The following SH3PXD2A variants were observed in gnomAD, a reference collection of about 807,000 sequenced individuals.
SH3PXD2A encodes SH3 and PX domain-containing protein 2A.
In SH3PXD2A, 32 loss-of-function variants were observed where a neutral mutation model predicts 115.2. That is an observed-to-expected ratio of 0.28 (90% confidence interval 0.21 to 0.37). The LOEUF is 0.37. Ranked by LOEUF, SH3PXD2A falls within the 10% of genes least tolerant of loss-of-function variation. The pLI is 1.00. For missense variants in SH3PXD2A, 1,328 were observed against 1,498.7 expected (o/e 0.89, Z 1.88); for synonymous variants, 610 against 629.1 (o/e 0.97, Z 0.45).
intron 2 of SH3PXD2A, among the ~76,000 whole-genome samples, chr10:103,782,643 G>A (rs2134242271): frequency 6.6e-6 from 1 of 152,052 alleles, no homozygotes; most frequent in South Asian, 2.1e-4. Context: ...CCTGCTCTCT[G>A]AAAGCTCACA....
rs2038966778 is a variant in SH3PXD2A at position 103,784,912 on chromosome 10, G to T, written c.153+16370C>A. On this transcript the variant is annotated intron_variant, in intron 2 of 14. Coordinates refer to ENST00000369774, the MANE Select transcript of SH3PXD2A (RefSeq NM_001394015.1). This position sits in a 1 kb window ranked among gnomAD's most constrained non-coding sequence, Gnocchi z 4.4. ...ACACCTGGGAGCGGCAGCCTACTAG[G>T]CGTGTCTGCTTAGACGGGTAACCAG... Among the ~76,000 whole-genome samples the T allele has an allele frequency of 6.6e-6, 1 of 152,154 alleles. No individual in the cohort carries two copies. Among genetic ancestry groups the T allele is most frequent in the Non-Finnish European group, 1.5e-5 (1 of 68,036 alleles).
intron 1 of SH3PXD2A, among the ~76,000 whole-genome samples, chr10:103,807,527 T>C (rs959474685): frequency 1.3e-5 from 2 of 152,214 alleles, no homozygotes; most frequent in Non-Finnish European, 2.9e-5. Context: ...ACTAGGGCCA[T>C]TGTATACAGT....
intron 6 of SH3PXD2A, among the ~76,000 whole-genome samples, chr10:103,674,547 C>T (rs559563618): frequency 2.6e-5 from 4 of 152,314 alleles, no homozygotes; most frequent in South Asian, 2.1e-4. Flanking sequence ...CCAGGCTGGG[C>T]GCGGTGGCTC....
intron 1 of SH3PXD2A, among the ~76,000 whole-genome samples, chr10:103,808,617 G>A (rs1212739441): frequency 6.6e-6 from 1 of 152,116 alleles, no homozygotes; most frequent in African/African-American, 2.4e-5. Context: ...ATCTGATCTG[G>A]ACCCCCACTA....
chr10:103,625,780 C>T (rs1412408838), intron 9 of SH3PXD2A, among the ~76,000 whole-genome samples: 1 of 152,216 alleles, frequency 6.6e-6, no homozygotes, highest in East Asian at 1.9e-4. Context: ...ATCCCAGCTA[C>T]TCAGGAGGCT....
chr10:103,769,154 G>A (rs1287769340), intron 2 of SH3PXD2A, among the ~76,000 whole-genome samples: 2 of 121,596 alleles, frequency 1.6e-5, no homozygotes, highest in Non-Finnish European at 3.8e-5. Flanking sequence ...GTGTGTGTGT[G>A]TGTGTGTGTG....
chr10:103,702,134 A>G (rs1245534146), intron 5 of SH3PXD2A, among the ~76,000 whole-genome samples: 1 of 146,954 alleles, frequency 6.8e-6, no homozygotes, highest in Non-Finnish European at 1.5e-5. Flanking sequence ...TCATTCATCT[A>G]CCATTCACCC....
chr10:103,679,479 G>C lies in SH3PXD2A; in HGVS notation c.428-10827C>G, dbSNP rs564258959. On this transcript the variant is annotated intron_variant, in intron 6 of 14. Transcript: ENST00000369774. ...TACCCTCCCTGCGCCCCAGGAGACA[G>C]CTGCCTAGTGTCCACTGAGCCATGG... is the stretch of plus-strand genomic sequence containing the variant. Among the ~76,000 whole-genome samples the C allele has an allele frequency of 1.1e-3, 172 of 152,354 alleles. 1 individual carries two copies. Among genetic ancestry groups the C allele is most frequent in the African/African-American group, 3.9e-3 (164 of 41,582 alleles).
At chr10:103,773,982 G>T (rs1287430534) in intron 2 of SH3PXD2A, among the ~76,000 whole-genome samples, 1 of 152,124 alleles carries the variant, frequency 6.6e-6, no homozygotes, top group African/African-American at 2.4e-5. Flanking sequence ...TGGTCCTCCT[G>T]TCCTGGCCTC....
At chr10:103,826,008 C>G (rs2039427438) in intron 1 of SH3PXD2A, among the ~76,000 whole-genome samples, 1 of 152,116 alleles carries the variant, frequency 6.6e-6, no homozygotes, top group African/African-American at 2.4e-5. Context: ...CGTGATCGGC[C>G]CACCTCGGCC....
At chr10:103,759,198 C>T (rs1362856406) in intron 3 of SH3PXD2A, among the ~76,000 whole-genome samples, 1 of 152,228 alleles carries the variant, frequency 6.6e-6, no homozygotes, top group East Asian at 1.9e-4. Flanking sequence ...ATTCACCCAG[C>T]ACCCTCTGCA....
intron 5 of SH3PXD2A, among the ~76,000 whole-genome samples, chr10:103,718,627 T>A (rs2038137075): frequency 6.6e-6 from 1 of 152,142 alleles, no homozygotes; most frequent in Admixed American, 6.5e-5. Context: ...GATAATAACA[T>A]CACCTTCGTG....
At chr10:103,745,524 T>A (rs995363211) in intron 3 of SH3PXD2A, among the ~76,000 whole-genome samples, 17 of 152,304 alleles carry the variant, frequency 1.1e-4, no homozygotes, top group African/African-American at 4.1e-4. Flanking sequence ...TGAATGAGTC[T>A]GTAAAAGCAT....
chr10:103,719,311 G>A (rs2038148416), intron 5 of SH3PXD2A, among the ~76,000 whole-genome samples: 1 of 152,252 alleles, frequency 6.6e-6, no homozygotes, highest in African/African-American at 2.4e-5. Flanking sequence ...GGTTGGGTCA[G>A]GGCTGTGGTT....
intron 6 of SH3PXD2A, among the ~76,000 whole-genome samples, chr10:103,689,156 G>A (rs2037716845): frequency 6.6e-6 from 1 of 152,164 alleles, no homozygotes; most frequent in Non-Finnish European, 1.5e-5. Flanking sequence ...TTACAGGAGT[G>A]AGCCACTGCA....
intron 3 of SH3PXD2A, among the ~76,000 whole-genome samples, chr10:103,763,674 C>T (rs1486030247): frequency 2.6e-5 from 4 of 152,164 alleles, no homozygotes; most frequent in African/African-American, 7.2e-5. Context: ...GTACCAGCTG[C>T]GGCTCCTCCC....
intron 6 of SH3PXD2A, among the ~76,000 whole-genome samples, chr10:103,675,030 A>G (rs1342031238): frequency 2.0e-5 from 3 of 152,186 alleles, no homozygotes; most frequent in African/African-American, 7.2e-5. Flanking sequence ...GTTCCAGGAT[A>G]AGCAGCAGCC....
chr10:103,672,900 G>A (rs1006253774), intron 6 of SH3PXD2A, among the ~76,000 whole-genome samples: 49 of 152,196 alleles, frequency 3.2e-4, no homozygotes, highest in African/African-American at 1.1e-3. Context: ...ATGGCTGTCC[G>A]TCCTGGCATT....
At chr10:103,692,605 T>C (rs1220897501) in intron 6 of SH3PXD2A, among the ~76,000 whole-genome samples, 1 of 152,208 alleles carries the variant, frequency 6.6e-6, no homozygotes, top group East Asian at 1.9e-4. Flanking sequence ...GCGTCTCTAT[T>C]AACCCTTCCA....
Sources: gnomAD v4.1 joint callset for allele counts (sites outside exome capture counted in the v4.1 genomes callset) on GRCh38, gnomAD v4.1.1 for gene constraint, Gnocchi (gnomAD v3.1) non-coding constraint, MANE v1.5 for transcripts, NCBI Gene and HGNC (gene_info 2026-07-23, HGNC 2026-07-21) for gene names.